The following GC variants were observed in gnomAD, a reference collection of about 807,000 sequenced individuals.
GC encodes GC vitamin D binding protein, also known as vitamin D-binding protein.
GC carries 43 observed loss-of-function variants against 56.7 expected under a neutral mutation model. The ratio of observed to expected loss-of-function variants is 0.76; its 90% CI spans 0.59 to 0.98. GC has a LOEUF of 0.98. Ranked by LOEUF, GC falls within the 50% of genes least tolerant of loss-of-function variation. The probability of loss-of-function intolerance (pLI) is 0.00; values close to 1 mark genes in which losing one functional copy is unlikely to be tolerated. For missense variants in GC, 529 were observed against 545.9 expected, an observed-to-expected ratio of 0.97 and a Z score of 0.31; for synonymous variants, 216 against 202.7, an observed-to-expected ratio of 1.07 and a Z score of -0.56.
chr4:71,774,486 C>A (rs1290452565), intron 1 of GC, among the ~76,000 whole-genome samples: 1 of 143,576 alleles, frequency 7.0e-6, no homozygotes, highest in Non-Finnish European at 1.6e-5. Flanking sequence ...TCTGTAATTG[C>A]TTTTGTAGGG....
intron 2 of GC, 44 bp downstream of exon 2, chr4:71,769,287 C>A: frequency 1.4e-6 from 2 of 1,410,836 alleles, no homozygotes; most frequent in South Asian, 2.3e-5. Context: ...CAGTTTTGTT[C>A]AAGATCAAAT....
intron 4 of GC, among the ~76,000 whole-genome samples, chr4:71,764,148 A>AT (rs2149300261): frequency 6.6e-6 from 1 of 151,966 alleles, no homozygotes; most frequent in African/African-American, 2.4e-5. Flanking sequence ...TGCTCATCTA[A>AT]TTTTTTAATT....
chr4:71,781,616 TC>T (rs1347924143), intron 1 of GC, among the ~76,000 whole-genome samples: 2 of 151,846 alleles, frequency 1.3e-5, no homozygotes, highest in Admixed American at 1.3e-4. Context: ...TTACTTGGTT[TC>T]TTTGGAAGGG....
At chr4:71,792,387 G>C (rs1490922753) in intron 1 of GC, among the ~76,000 whole-genome samples, 1 of 152,116 alleles carries the variant, frequency 6.6e-6, no homozygotes, top group African/African-American at 2.4e-5. Flanking sequence ...ATCTCATTGT[G>C]GTTTTGATTT....
At chr4:71,788,699 AAAAG>A (rs551167961), upstream of GC, among the ~76,000 whole-genome samples, 70 of 151,672 alleles carry the variant, frequency 4.6e-4, no homozygotes, top group Admixed American at 1.4e-3. Flanking sequence ...GAAAAAAAGA[AAAAG>A]AAAGAATGAG....
chr4:71,787,670 T>G (rs111942781), upstream of GC, among the ~76,000 whole-genome samples: 26 of 151,874 alleles, frequency 1.7e-4, 2 homozygotes, highest in African/African-American at 6.3e-4. Flanking sequence ...TGAAGACTGC[T>G]TTAGAAGTCC....
At chr4:71,787,795 T>C (rs1196998917), upstream of GC, among the ~76,000 whole-genome samples, 1 of 150,842 alleles carries the variant, frequency 6.6e-6, no homozygotes, top group Admixed American at 6.6e-5. Context: ...GGGGGAAGAG[T>C]GAGAAATTAT....
chr4:71,741,916 A>C lies in GC; in HGVS notation c.*26-46T>G, dbSNP rs527662920. 91 of 702,720 alleles carry C rather than the reference A, an allele frequency of 1.3e-4. 1 individual carries two copies. The South Asian group carries it at 1.3e-3, about 10-fold the overall frequency. 43.5% of individuals were successfully genotyped at this position (702,720 alleles called of 1,614,324 possible). The stretch of plus-strand genomic sequence containing the variant: ...ATTTTATGTTAGAAAAACAGAGCTA[A>C]TGGGCAACAACCATAATATTGCTCA... On this transcript the variant is annotated intron_variant, in intron 12 of 12. Coordinates refer to ENST00000273951, the MANE Select transcript of GC (RefSeq NM_000583.4).
chr4:71,775,272 T>A (rs1034138900), intron 1 of GC, among the ~76,000 whole-genome samples: 1 of 151,952 alleles, frequency 6.6e-6, no homozygotes, highest in Non-Finnish European at 1.5e-5. Flanking sequence ...CATGTCTAAA[T>A]TTTTAGGTCC....
At chr4:71,770,050 G>A (rs1742297141) in intron 1 of GC, among the ~76,000 whole-genome samples, 1 of 152,112 alleles carries the variant, frequency 6.6e-6, no homozygotes, top group African/African-American at 2.4e-5. Context: ...GGGGATGGTG[G>A]GAAGTGTTTC....
chr4:71,791,775 T>A (rs1406219220), intron 1 of GC, among the ~76,000 whole-genome samples: 1 of 152,088 alleles, frequency 6.6e-6, no homozygotes, highest in Non-Finnish European at 1.5e-5. Flanking sequence ...CATCAACTTG[T>A]CATTTACATT....
Position 71,763,447 on chromosome 4 carries a change from G to A in GC, c.662C>T (p.Ser221Leu), listed in dbSNP as rs1742050621. 6.2e-7 allele frequency: 1 copy of A among 1,606,590 alleles called. No individual in the cohort carries two copies. Among genetic ancestry groups the A allele is most frequent in the African/African-American group, 1.3e-5 (1 of 74,744 alleles). Residue 221 changes from serine (S) to leucine (L), a missense_variant, in exon 6 of 13, where the codon TCA (serine) becomes TTA (leucine). Ser to Leu is a moderately radical substitution (Grantham distance 145). Coordinates refer to ENST00000273951, the MANE Select transcript of GC (RefSeq NM_000583.4). Reference protein sequence around the residue: ...LLTTLSNRVCSQYAAYGEKKS... With the variant: ...LLTTLSNRVCLQYAAYGEKKS... The stretch of plus-strand genomic sequence containing the variant: ...CTTCTCCCCATAAGCAGCATATTGT[G>A]AGCAGACTCTATTTGACAGAGTGGT...
At chr4:71,774,861 T>A (rs550148004) in intron 1 of GC, among the ~76,000 whole-genome samples, 3,095 of 152,056 alleles carry the variant, frequency 0.02, 101 homozygotes, top group African/African-American at 0.07. Flanking sequence ...AACATATAAC[T>A]TTTTGAGTAC....
At chr4:71,742,674 T>C (rs188271374) in intron 12 of GC, among the ~76,000 whole-genome samples, 2 of 152,292 alleles carry the variant, frequency 1.3e-5, no homozygotes, top group Admixed American at 1.3e-4. Flanking sequence ...CTTTGTGAGA[T>C]AATTAAGAGA....
chr4:71,765,418 A>G lies in GC; in HGVS notation c.473+14T>C. The G allele has an allele frequency of 1.3e-6, 2 of 1,598,074 alleles. No individual in the cohort carries two copies. Among genetic ancestry groups the G allele is most frequent in the Non-Finnish European group, 1.7e-6 (2 of 1,165,998 alleles). On this transcript the variant is annotated intron_variant, in intron 4 of 12. Transcript: ENST00000273951. The stretch of plus-strand genomic sequence containing the variant: ...TTTAGGTCCTAAAGTTCTATTTATG[A>G]TGAAGGCACTCACTGATTAGCATAT...
intron 1 of GC, chr4:71,769,665 C>T: frequency 5.8e-6 from 2 of 346,520 alleles, no homozygotes; most frequent in Non-Finnish European, 5.5e-6. Context: ...TCAAATGATA[C>T]ATGTCAACTA....
chr4:71,793,562 C>A (rs1026373673), intron 1 of GC, among the ~76,000 whole-genome samples: 2 of 152,134 alleles, frequency 1.3e-5, no homozygotes, highest in Admixed American at 1.3e-4. Context: ...TGGGCTGAGA[C>A]GATGGGGTTT....
At chr4:71,772,504 C>T (rs753910204) in intron 1 of GC, among the ~76,000 whole-genome samples, 3 of 152,086 alleles carry the variant, frequency 2.0e-5, no homozygotes, top group Non-Finnish European at 4.4e-5. Flanking sequence ...TGTGAGTGTG[C>T]ATGTGAAGGT....
At chr4:71,775,305 A>G (rs1367943001) in intron 1 of GC, among the ~76,000 whole-genome samples, 1 of 151,938 alleles carries the variant, frequency 6.6e-6, no homozygotes, top group Non-Finnish European at 1.5e-5. Context: ...ACAATTCTGG[A>G]CATTCCCATA....
Sources: gnomAD v4.1 joint callset for allele counts (sites outside exome capture counted in the v4.1 genomes callset) on GRCh38, gnomAD v4.1.1 for gene constraint, MANE v1.5 for transcripts, NCBI Gene and HGNC (gene_info 2026-07-23, HGNC 2026-07-21) for gene names.